Variants in KCNIP4 observed in about 807,000 individuals in gnomAD.
The protein encoded by KCNIP4 is potassium voltage-gated channel interacting protein 4.
Under a neutral mutation model 34.0 loss-of-function variants are expected in KCNIP4, and 12 were observed. That is an observed-to-expected ratio of 0.35 (90% CI 0.23 to 0.57). KCNIP4 has a LOEUF of 0.57. Ranked by LOEUF, KCNIP4 falls within the 20% of genes least tolerant of loss-of-function variation. The probability of loss-of-function intolerance (pLI) is 0.83; values close to 1 mark genes in which losing one functional copy is unlikely to be tolerated. For synonymous variants in KCNIP4, 124 were observed against 102.2 expected (o/e 1.21, Z -1.29); for missense variants, 238 against 311.7 (o/e 0.76, Z 1.78).
chr4:21,316,716 CAG>C (rs1432760697), intron 1 of KCNIP4, among the ~76,000 whole-genome samples: 5 of 152,146 alleles, frequency 3.3e-5, no homozygotes, highest in African/African-American at 9.7e-5. Flanking sequence ...CTGGAAAATC[CAG>C]AGTTATTTTA....
At chr4:21,265,360 A>G (rs1446038617) in intron 1 of KCNIP4, among the ~76,000 whole-genome samples, 3 of 152,192 alleles carry the variant, frequency 2.0e-5, no homozygotes, top group Admixed American at 6.5e-5. Flanking sequence ...GGGAAGCAAT[A>G]AAGAAGTTTG....
chr4:20,840,824 C>A (rs1719632551), intron 3 of KCNIP4, among the ~76,000 whole-genome samples: 1 of 152,138 alleles, frequency 6.6e-6, no homozygotes, highest in African/African-American at 2.4e-5. Flanking sequence ...GATACCAACA[C>A]CCCCATCTCC....
intron 1 of KCNIP4, among the ~76,000 whole-genome samples, chr4:21,691,691 C>CT (rs36004947): frequency 0.12 from 12,183 of 102,512 alleles, 2,403 homozygotes; most frequent in African/African-American, 0.38. Flanking sequence ...AAACGCAGCT[C>CT]TTTTTTTTTT....
At chr4:21,717,966 T>C (rs1202724508) in intron 1 of KCNIP4, among the ~76,000 whole-genome samples, 1 of 152,214 alleles carries the variant, frequency 6.6e-6, no homozygotes, top group Non-Finnish European at 1.5e-5. Context: ...CTGTTCTGAA[T>C]CTGTTCATTT....
intron 1 of KCNIP4, chr4:20,983,979 T>A (rs1577484339): frequency 1.3e-6 from 2 of 1,527,800 alleles, no homozygotes; most frequent in Non-Finnish European, 8.7e-7. Flanking sequence ...GTGGAGGGAG[T>A]TAATTACAGA....
At position 21,112,025 on chromosome 4, in the gene KCNIP4, GTATCTATCTATC is replaced by G. The variant is rs34396290; in HGVS notation, c.62-229328_62-229317del. ...ACAACAACAAATCTATCCTTTCTCT[GTATCTATCTATC>G]TATCTATCTATCTATCTATCTATCT... is the stretch of plus-strand genomic sequence containing the variant. On this transcript the variant is annotated intron_variant, in intron 1 of 8. Transcript: ENST00000382152. Among the ~76,000 whole-genome samples, 802 of 114,800 alleles carry G rather than the reference GTATCTATCTATC, an allele frequency of 7.0e-3. 6 individuals carry two copies. The highest frequency in any genetic ancestry group is 0.016 in the African/African-American group (405 of 25,568). 75.3% of individuals were successfully genotyped at this position (114,800 alleles called of 152,430 possible).
At position 21,585,302 on chromosome 4, in the gene KCNIP4, A is replaced by G. The variant is rs112151221; in HGVS notation, c.61+363269T>C. On this transcript the variant is annotated intron_variant, in intron 1 of 8. Transcript: ENST00000382152. ...GGTAGAGACCTGGCCTGGTCCAGGAACTCTGCTTCAGATCCCCAGATCCTA... is the reference window on the plus strand; with the variant it reads ...GGTAGAGACCTGGCCTGGTCCAGGAGCTCTGCTTCAGATCCCCAGATCCTA... Among the ~76,000 whole-genome samples, 209 of 152,082 alleles carry G rather than the reference A, an allele frequency of 1.4e-3. 2 individuals carry two copies. The highest frequency in any genetic ancestry group is 4.6e-3 in the African/African-American group (192 of 41,462).
intron 1 of KCNIP4, among the ~76,000 whole-genome samples, chr4:21,663,166 T>C (rs1368211896): frequency 6.6e-6 from 1 of 152,228 alleles, no homozygotes; most frequent in African/African-American, 2.4e-5. Context: ...TAATGGTTTC[T>C]AACTTACTAA....
intron 1 of KCNIP4, among the ~76,000 whole-genome samples, chr4:21,647,966 C>CGGG (rs1321592077): frequency 1.4e-5 from 2 of 146,676 alleles, no homozygotes; most frequent in African/African-American, 2.5e-5. Context: ...CTCCATCTCC[C>CGGG]GGGTTCACGC....
chr4:20,739,294 C>T (rs1750477870), intron 5 of KCNIP4, among the ~76,000 whole-genome samples: 1 of 152,166 alleles, frequency 6.6e-6, no homozygotes. Flanking sequence ...CAAGTGGGTC[C>T]CTGACCCCCG....
At chr4:20,928,390 A>C (rs1730108480) in intron 1 of KCNIP4, among the ~76,000 whole-genome samples, 1 of 152,118 alleles carries the variant, frequency 6.6e-6, no homozygotes, top group South Asian at 2.1e-4. Flanking sequence ...AATTAAAGAA[A>C]AACTCAAAAG....
intron 1 of KCNIP4, among the ~76,000 whole-genome samples, chr4:21,023,673 G>A (rs1175002749): frequency 6.6e-6 from 1 of 152,122 alleles, no homozygotes; most frequent in East Asian, 1.9e-4. Flanking sequence ...GGAGGCCCAG[G>A]CAGGAGGATT....
intron 1 of KCNIP4, among the ~76,000 whole-genome samples, chr4:21,576,644 C>T (rs1053672316): frequency 6.6e-6 from 1 of 152,092 alleles, no homozygotes; most frequent in Non-Finnish European, 1.5e-5. Context: ...ATCCAAATTG[C>T]TAAATGTTTA....
At chr4:21,414,175 G>T (rs1046892784) in intron 1 of KCNIP4, among the ~76,000 whole-genome samples, 1 of 152,106 alleles carries the variant, frequency 6.6e-6, no homozygotes, top group Non-Finnish European at 1.5e-5. Flanking sequence ...GAAAGTACTA[G>T]AGGTGGTTTT....
intron 1 of KCNIP4, among the ~76,000 whole-genome samples, chr4:21,041,842 G>A (rs186513449): frequency 1.7e-4 from 26 of 152,256 alleles, no homozygotes; most frequent in Admixed American, 1.6e-3. Context: ...TGGGTTTGGC[G>A]GCCAACAGCT....
chr4:21,902,404 G>T (rs1362665667), intron 1 of KCNIP4, among the ~76,000 whole-genome samples: 1 of 152,000 alleles, frequency 6.6e-6, no homozygotes, highest in African/African-American at 2.4e-5. Context: ...AGAAAACAAA[G>T]TAAATAAATC....
At chr4:21,716,540 C>T (rs1174538421) in intron 1 of KCNIP4, among the ~76,000 whole-genome samples, 1 of 151,918 alleles carries the variant, frequency 6.6e-6, no homozygotes, top group Non-Finnish European at 1.5e-5. Flanking sequence ...CCGTGCTGGG[C>T]CGGTAGTCTT....
chr4:21,294,222 A>T (rs1176423259), intron 1 of KCNIP4, among the ~76,000 whole-genome samples: 1 of 152,046 alleles, frequency 6.6e-6, no homozygotes, highest in Non-Finnish European at 1.5e-5. Context: ...TCTCTATTTG[A>T]GACTCCCCTA....
In KCNIP4 at chr4:20,895,631, G is replaced by A. The variant is rs563096413; in HGVS notation, c.62-12922C>T. On this transcript the variant is annotated intron_variant, in intron 1 of 8. Transcript: ENST00000382152. ...AACAATGTATTTATATTCAATAAAAGTCTTTATTCATTAATTTAACCAATA... is the reference window on the plus strand; with the variant it reads ...AACAATGTATTTATATTCAATAAAAATCTTTATTCATTAATTTAACCAATA... Among the ~76,000 whole-genome samples the A allele has an allele frequency of 5.9e-5, 9 of 152,256 alleles. 1 individual carries two copies. The highest frequency in any genetic ancestry group is 2.2e-4 in the African/African-American group (9 of 41,538).
Sources: gnomAD v4.1 joint callset for allele counts (sites outside exome capture counted in the v4.1 genomes callset) on GRCh38, gnomAD v4.1.1 for gene constraint, MANE v1.5 for transcripts, NCBI Gene and HGNC (gene_info 2026-07-23, HGNC 2026-07-21) for gene names.